The following TYW1B variants were observed in gnomAD, a reference collection of about 807,000 sequenced individuals.
The protein encoded by TYW1B is S-adenosyl-L-methionine-dependent tRNA 4-demethylwyosine synthase TYW1B.
A neutral mutation model predicts 86.9 loss-of-function variants in TYW1B; 73 were observed. The ratio of observed to expected loss-of-function variants is 0.84; its 90% CI spans 0.70 to 1.02. TYW1B has a LOEUF of 1.02. TYW1B is among the 50% of genes least tolerant of loss of function. The pLI is 0.00. For missense variants in TYW1B, 637 were observed against 827.4 expected (o/e 0.77, Z 2.82); for synonymous variants, 248 against 292.8 (o/e 0.85, Z 1.56).
At chr7:72,802,027 A>T (rs1554475694) in intron 6 of TYW1B, among the ~76,000 whole-genome samples, 1 of 134,024 alleles carries the variant, frequency 7.5e-6, no homozygotes, top group Non-Finnish European at 1.6e-5. Context: ...AAACATTATG[A>T]GATGTATTTT....
At chr7:72,773,554 A>G (rs1278813870) in intron 7 of TYW1B, among the ~76,000 whole-genome samples, 1 of 152,200 alleles carries the variant, frequency 6.6e-6, no homozygotes, top group Non-Finnish European at 1.5e-5. Context: ...CTGGGGAGAC[A>G]AAGGTGGCTA....
chr7:72,595,257 A>C (rs549408647), intron 13 of TYW1B, among the ~76,000 whole-genome samples: 1 of 152,308 alleles, frequency 6.6e-6, no homozygotes, highest in African/African-American at 2.4e-5. Context: ...TTCAACCAAA[A>C]AACTGTTTAA....
intron 11 of TYW1B, among the ~76,000 whole-genome samples, chr7:72,646,466 G>A (rs1486811645): frequency 6.6e-6 from 1 of 151,920 alleles, no homozygotes; most frequent in African/African-American, 2.4e-5. Context: ...TCACCTCCCT[G>A]GCTCAAGTGA....
intron 13 of TYW1B, among the ~76,000 whole-genome samples, chr7:72,579,343 T>A (rs112002985): frequency 1.3e-5 from 2 of 152,114 alleles, no homozygotes; most frequent in South Asian, 4.1e-4. Context: ...TAAAATCTGA[T>A]AACTGACTGC....
intron 7 of TYW1B, among the ~76,000 whole-genome samples, chr7:72,751,514 T>G (rs567080123): frequency 5.9e-5 from 9 of 152,330 alleles, no homozygotes; most frequent in African/African-American, 2.2e-4. Context: ...CTTTTATAAC[T>G]TGTCTTTGCT....
intron 7 of TYW1B, among the ~76,000 whole-genome samples, chr7:72,771,482 T>G (rs191119693): frequency 5.9e-5 from 9 of 152,328 alleles, no homozygotes; most frequent in Non-Finnish European, 1.3e-4. Context: ...TCTGTGCATA[T>G]TAAATGTAAA....
chr7:72,615,256 A>C (rs1420267582), intron 13 of TYW1B, among the ~76,000 whole-genome samples: 1 of 152,252 alleles, frequency 6.6e-6, no homozygotes, highest in Non-Finnish European at 1.5e-5. Flanking sequence ...GATTAGACTA[A>C]AATTAAATTG....
chr7:72,671,195 G>A (rs1813592590), intron 11 of TYW1B, among the ~76,000 whole-genome samples: 1 of 151,996 alleles, frequency 6.6e-6, no homozygotes, highest in Non-Finnish European at 1.5e-5. Flanking sequence ...AGCTTTCTAG[G>A]TTATTATTCC....
chr7:72,606,185 A>G (rs1425391327), intron 13 of TYW1B, among the ~76,000 whole-genome samples: 8 of 150,730 alleles, frequency 5.3e-5, no homozygotes, highest in Admixed American at 5.3e-4. Flanking sequence ...ATGGCTGCAG[A>G]CAACTATTGG....
chr7:72,644,785 A>C (rs1433436720), intron 11 of TYW1B, among the ~76,000 whole-genome samples: 1 of 150,766 alleles, frequency 6.6e-6, no homozygotes, highest in Non-Finnish European at 1.5e-5. Context: ...AAACAACACA[A>C]TGTCTAGAAA....
At chr7:72,792,599 T>A (rs1554473740) in intron 6 of TYW1B, among the ~76,000 whole-genome samples, 1 of 152,070 alleles carries the variant, frequency 6.6e-6, no homozygotes, top group African/African-American at 2.4e-5. Context: ...AACTACAAAC[T>A]CCCTTAGATG....
chr7:72,629,870 A>C (rs1484445534), intron 11 of TYW1B, among the ~76,000 whole-genome samples: 1 of 152,194 alleles, frequency 6.6e-6, no homozygotes, highest in Non-Finnish European at 1.5e-5. Flanking sequence ...TAATTAGACA[A>C]TAGGCATTAA....
At chr7:72,669,056 C>T (rs1198102043) in intron 11 of TYW1B, among the ~76,000 whole-genome samples, 11 of 143,034 alleles carry the variant, frequency 7.7e-5, no homozygotes, top group African/African-American at 2.8e-4. Flanking sequence ...ATAGTATAAA[C>T]AAAGTCTCCA....
chr7:72,771,286 A>G (rs1162215760), intron 7 of TYW1B, among the ~76,000 whole-genome samples: 1 of 152,090 alleles, frequency 6.6e-6, no homozygotes, highest in East Asian at 1.9e-4. Flanking sequence ...CTAAAAAGGC[A>G]AAACTAAGTA....
At chr7:72,580,481 A>G (rs1160314049) in intron 13 of TYW1B, among the ~76,000 whole-genome samples, 1 of 152,184 alleles carries the variant, frequency 6.6e-6, no homozygotes, top group African/African-American at 2.4e-5. Context: ...AAGGTCATAA[A>G]TGATCTTAAA....
chr7:72,606,757 C>A (rs1349112745), intron 13 of TYW1B, among the ~76,000 whole-genome samples: 1 of 151,592 alleles, frequency 6.6e-6, no homozygotes, highest in African/African-American at 2.4e-5. Flanking sequence ...AGGCACCCTT[C>A]CTACAGTAGG....
intron 13 of TYW1B, among the ~76,000 whole-genome samples, chr7:72,613,431 G>A (rs1306467470): frequency 1.1e-5 from 1 of 92,262 alleles, no homozygotes; most frequent in Non-Finnish European, 1.9e-5. Context: ...TTTTTGAGAT[G>A]GAGTCTCACC....
In TYW1B at chr7:72,628,891, A is replaced by G. The variant is rs782435391; in HGVS notation, c.1613T>C (p.Val538Ala). The G allele has an allele frequency of 9.5e-6, 15 of 1,584,994 alleles. No homozygotes were observed. Among genetic ancestry groups the G allele is most frequent in the Non-Finnish European group, 1.3e-5 (15 of 1,166,794 alleles). The change falls in exon 12 of 14, where the codon GTG becomes GCG. Residue 538 changes from valine to alanine, a missense_variant. By Grantham distance (64) the Val-to-Ala change is moderately conservative. Transcript: ENST00000620995. ...VSLGNPDFIE[V>A]KGVTYCRESS... ...CCAGAGTCAGCAGGGGCTTACCTTC[A>G]CTTCGATGAAGTCAGGATTCCCCAG...
intron 6 of TYW1B, among the ~76,000 whole-genome samples, chr7:72,781,508 T>C (rs1295575799): frequency 5.9e-5 from 9 of 152,258 alleles, no homozygotes; most frequent in African/African-American, 1.9e-4. Context: ...TCCTATCTCC[T>C]TGCCAGTCGA....
Sources: allele counts gnomAD v4.1 joint callset (sites outside exome capture counted in the v4.1 genomes callset), GRCh38; gene constraint gnomAD v4.1.1; transcripts MANE v1.5; gene names NCBI Gene and HGNC (gene_info 2026-07-23, HGNC 2026-07-21).